The following USP24 variants were observed in gnomAD, a reference collection of about 807,000 sequenced individuals.
The protein encoded by USP24 is ubiquitin carboxyl-terminal hydrolase 24.
In USP24, 97 loss-of-function variants were observed where a neutral mutation model predicts 361.6. The observed-to-expected ratio is 0.27, with a 90% CI of 0.23 to 0.32. USP24 has a LOEUF of 0.32. USP24 is among the 10% of genes least tolerant of loss of function. USP24 has a pLI of 1.00. For synonymous variants in USP24, 1,098 were observed against 1,124.6 expected (o/e 0.98, Z 0.47); for missense variants, 2,353 against 3,165.6 (o/e 0.74, Z 6.16).
chr1:55,109,688 TAC>T (rs1171874216), intron 39 of USP24, among the ~76,000 whole-genome samples: 5 of 152,308 alleles, frequency 3.3e-5, no homozygotes, highest in Admixed American at 2.6e-4. Context: ...AACTAAAATT[TAC>T]ACAGAGCATT....
intron 3 of USP24, among the ~76,000 whole-genome samples, chr1:55,174,594 T>C (rs1649769309): frequency 1.3e-5 from 2 of 152,230 alleles, no homozygotes; most frequent in Non-Finnish European, 2.9e-5. Flanking sequence ...AGTATCTCTG[T>C]ACAGAGTTAG....
intron 1 of USP24, among the ~76,000 whole-genome samples, chr1:55,178,726 AAT>A (rs1650263238): frequency 3.8e-5 from 3 of 78,936 alleles, no homozygotes; most frequent in East Asian, 3.8e-4. Flanking sequence ...TAAATAAATA[AAT>A]AAAAAGAACT....
chr1:55,138,775 A>T, intron 25 of USP24, 57 bp from the exon 26 acceptor site: 1 of 1,370,200 alleles, frequency 7.3e-7, no homozygotes, highest in Non-Finnish European at 1.0e-6. Context: ...ACACATCAAA[A>T]ATACATATCT....
At position 55,071,415 on chromosome 1, in the gene USP24, G is replaced by C. The variant is rs1390758245; in HGVS notation, c.7800+399C>G. The stretch of plus-strand genomic sequence containing the variant: ...CCCCTGGCAAGCAGGTATACTTCAA[G>C]AGCACGGGAGCTTTTCTTTCAAGAG... On this transcript the variant is annotated intron_variant, in intron 67 of 67. Transcript: ENST00000294383. The C allele has an allele frequency of 1.8e-5, 18 of 1,003,290 alleles. No homozygotes were observed. In the East Asian group the frequency reaches 1.2e-3, roughly 66 times the overall value. 62.1% of individuals were successfully genotyped at this position (1,003,290 alleles called of 1,614,324 possible).
intron 31 of USP24, 72 bp from the exon 32 acceptor site, chr1:55,129,646 A>G: frequency 1.6e-6 from 2 of 1,227,406 alleles, no homozygotes; most frequent in Non-Finnish European, 2.4e-6. Context: ...TAAATAAAAC[A>G]TTCAGACAAC....
At chr1:55,184,484 A>T (rs1644069898) in intron 1 of USP24, among the ~76,000 whole-genome samples, 1 of 152,226 alleles carries the variant, frequency 6.6e-6, no homozygotes, top group Non-Finnish European at 1.5e-5. Flanking sequence ...TAAAGAGAGA[A>T]ATACACCAAC....
In USP24 at chr1:55,097,991, T is replaced by C. The variant is rs1037327906; in HGVS notation, c.5547A>G (p.Glu1849=). The C allele has an allele frequency of 1.1e-5, 18 of 1,613,500 alleles. No homozygotes were observed. The highest frequency in any genetic ancestry group is 1.4e-5 in the Non-Finnish European group (17 of 1,179,762). Residue 1849 remains glutamate, a synonymous_variant, in exon 47 of 68, where the codon GAA becomes GAG. Coordinates refer to ENST00000294383, the MANE Select transcript of USP24 (RefSeq NM_015306.3). The part of the protein sequence containing the change: ...EISLDQFVRG[E]VLEGSNAYYC... ...AGTACGCATTACTTCCTTCTAGAAC[T>C]TCTCCTCTAACAAATTGGTCCAAAG...
intron 1 of USP24, among the ~76,000 whole-genome samples, chr1:55,193,282 G>A (rs1162109681): frequency 6.6e-6 from 1 of 151,978 alleles, no homozygotes; most frequent in Admixed American, 6.6e-5. Context: ...TGAGCATTTC[G>A]GTATCTGTGG....
intron 56 of USP24, among the ~76,000 whole-genome samples, chr1:55,084,748 T>A (rs993867695): frequency 6.6e-6 from 1 of 152,138 alleles, no homozygotes; most frequent in East Asian, 1.9e-4. Context: ...CAAATAGACA[T>A]GAAAATCCAT....
At chr1:55,137,460 A>G in intron 28 of USP24, 55 bp downstream of exon 28, 2 of 1,566,812 alleles carry the variant, frequency 1.3e-6, no homozygotes, top group South Asian at 2.4e-5. Flanking sequence ...AGTCAGAACA[A>G]AAAGACAGTG....
At chr1:55,115,953 T>G (rs565653690) in intron 38 of USP24, among the ~76,000 whole-genome samples, 2 of 151,770 alleles carry the variant, frequency 1.3e-5, no homozygotes, top group South Asian at 4.2e-4. Context: ...CACTCATAAG[T>G]GGGAGTTGAA....
At chr1:55,162,378 G>T in intron 7 of USP24, 114 bp from the exon 8 acceptor site, 2 of 809,584 alleles carry the variant, frequency 2.5e-6, no homozygotes, top group Non-Finnish European at 3.6e-6. Context: ...AGTTGATCAA[G>T]TCATGAATAG....
intron 39 of USP24, among the ~76,000 whole-genome samples, chr1:55,108,558 C>A (rs1244149777): frequency 6.6e-6 from 1 of 152,232 alleles, no homozygotes; most frequent in African/African-American, 2.4e-5. Flanking sequence ...AGTATAGGCA[C>A]TGGCTTACGG....
chr1:55,142,908 C>CT, intron 22 of USP24, 71 bp downstream of exon 22: 1 of 1,432,304 alleles, frequency 7.0e-7, no homozygotes, highest in Non-Finnish European at 9.4e-7. Context: ...AGGATCACAG[C>CT]TTATCACTAA....
chr1:55,097,861 TA>T, intron 47 of USP24, 81 bp downstream of exon 47: 1 of 1,528,712 alleles, frequency 6.5e-7, no homozygotes, highest in South Asian at 1.3e-5. Context: ...AGTAGGAGCT[TA>T]ATACTGATTT....
chr1:55,148,271 AT>A (rs1478383673), intron 17 of USP24, among the ~76,000 whole-genome samples, 191 bp downstream of exon 17: 3 of 136,758 alleles, frequency 2.2e-5, no homozygotes, highest in Admixed American at 1.4e-4. Flanking sequence ...AGTTAAGGAG[AT>A]TAAAAAAAAA....
intron 67 of USP24, among the ~76,000 whole-genome samples, chr1:55,070,386 CAG>C (rs1167927351): frequency 6.6e-6 from 1 of 152,084 alleles, no homozygotes; most frequent in Non-Finnish European, 1.5e-5. Flanking sequence ...AGGAAGGAGA[CAG>C]AGAAGGAACA....
chr1:55,139,019 T>G lies in USP24; in HGVS notation c.2751-9A>C. 2.3e-6 allele frequency: 3 copies of G among 1,316,856 alleles called. No homozygotes were observed. The highest frequency in any genetic ancestry group is 3.1e-6 in the Non-Finnish European group (3 of 968,664). The allele number at this position is 1,316,856 out of a possible 1,614,324, so 81.6% of individuals were successfully genotyped here. ...TTACAAGTTTAGTAGATCTATAGAT[T>G]AAAAAAAAAAAGTATTAAAATGTAT... On this transcript the variant is annotated splice_polypyrimidine_tract_variant and intron_variant, in intron 24 of 67. Coordinates refer to ENST00000294383, the MANE Select transcript of USP24 (RefSeq NM_015306.3).
At chr1:55,145,718 T>C (rs939217569) in intron 20 of USP24, among the ~76,000 whole-genome samples, 5 of 152,192 alleles carry the variant, frequency 3.3e-5, no homozygotes, top group Non-Finnish European at 5.9e-5. Flanking sequence ...TATACCTTGA[T>C]ACATTTTTAC....
Sources: gnomAD v4.1 joint callset for allele counts (sites outside exome capture counted in the v4.1 genomes callset) on GRCh38, gnomAD v4.1.1 for gene constraint, MANE v1.5 for transcripts, NCBI Gene and HGNC (gene_info 2026-07-23, HGNC 2026-07-21) for gene names.